Variants in PRRC1 observed in about 807,000 individuals in gnomAD.
The protein encoded by PRRC1 is protein PRRC1.
PRRC1 carries 39 observed loss-of-function variants against 40.7 expected under a neutral mutation model. The ratio of observed to expected loss-of-function variants is 0.96; its 90% CI spans 0.74 to 1.25. The LOEUF (loss-of-function observed/expected upper bound fraction) is 1.25, where lower values mean the gene tolerates loss of function less well. Among genes scored for constraint, PRRC1 ranks in the 50% most tolerant of loss-of-function variants. The pLI is 0.00. For synonymous variants in PRRC1, 175 were observed against 193.3 expected (o/e 0.91, Z 0.79); for missense variants, 573 against 548.3 (o/e 1.05, Z -0.45).
Position 127,553,062 on chromosome 5 carries a change from C to A in PRRC1, c.*1146C>A. The stretch of plus-strand genomic sequence containing the variant: ...AAATTTTTTTCTTAATACTGTTGGA[C>A]TTTGTATATACAAGTTCAAATAACT... On this transcript the variant is annotated 3_prime_UTR_variant, in exon 9 of 9. Transcript: ENST00000296666. 2 of 747,576 alleles carry A rather than the reference C, an allele frequency of 2.7e-6. No homozygotes were observed. Among genetic ancestry groups the A allele is most frequent in the Non-Finnish European group, 3.3e-6 (2 of 614,256 alleles). 46.3% of individuals were successfully genotyped at this position (747,576 alleles called of 1,614,324 possible). A position where few individuals can be genotyped will look rare whatever the true frequency, so the allele number is the denominator to read the frequency against.
intron 6 of PRRC1, among the ~76,000 whole-genome samples, chr5:127,538,774 T>C (rs1426647197): frequency 6.6e-6 from 1 of 151,972 alleles, no homozygotes. Flanking sequence ...AATGAGAAAA[T>C]GTAATATAAA....
At chr5:127,530,272 C>T (rs1767731728) in intron 4 of PRRC1, 22 bp from the exon 5 acceptor site, 1 of 1,597,782 alleles carries the variant, frequency 6.3e-7, no homozygotes, top group Non-Finnish European at 8.6e-7. Context: ...TGAATACTTA[C>T]ATATTGATTT....
intron 4 of PRRC1, among the ~76,000 whole-genome samples, chr5:127,529,771 A>G (rs1345297135): frequency 6.6e-6 from 1 of 152,210 alleles, no homozygotes; most frequent in Non-Finnish European, 1.5e-5. Flanking sequence ...AGAAACAAGA[A>G]GTAGGAAAAA....
chr5:127,544,062 C>T (rs1484187413), intron 7 of PRRC1, among the ~76,000 whole-genome samples: 12 of 152,058 alleles, frequency 7.9e-5, no homozygotes, highest in Admixed American at 5.2e-4. Context: ...GTGTGGATGT[C>T]CTTTCTGTTT....
Position 127,524,719 on chromosome 5 carries a change from A to C in PRRC1, c.292A>C (p.Thr98Pro), listed in dbSNP as rs187140580. ...TATGCCACCTCCTGTTTCTCCATCA[A>C]CTGCTGCTGCCTTCGGTAATCCTCC... ...TSMPPPVSPS[T>P]AAAFGNPPVS... The change falls in exon 3 of 9, where the codon ACT becomes CCT. Residue 98 changes from threonine (T) to proline (P), a missense_variant. By Grantham distance (38) the Thr-to-Pro change is conservative. Coordinates refer to ENST00000296666, the MANE Select transcript of PRRC1 (RefSeq NM_130809.5). 6.2e-7 allele frequency: 1 copy of C among 1,613,942 alleles called. No individual in the cohort carries two copies. Among genetic ancestry groups the C allele is most frequent in the Admixed American group, 1.7e-5 (1 of 59,998 alleles).
intron 5 of PRRC1, among the ~76,000 whole-genome samples, chr5:127,531,016 T>C (rs770127533): frequency 1.1e-4 from 16 of 152,234 alleles, no homozygotes; most frequent in Non-Finnish European, 2.2e-4. Flanking sequence ...AGTAATTCTG[T>C]AAAAGATAAC....
chr5:127,541,584 C>A, intron 7 of PRRC1, among the ~76,000 whole-genome samples: 1 of 152,110 alleles, frequency 6.6e-6, no homozygotes, highest in Non-Finnish European at 1.5e-5. Context: ...GATTCAACTT[C>A]TTCCTGGTTT....
chr5:127,546,963 C>G (rs1768241716), intron 7 of PRRC1, among the ~76,000 whole-genome samples: 1 of 151,984 alleles, frequency 6.6e-6, no homozygotes. Context: ...TAGTATTCAG[C>G]AAAGTTATTT....
Position 127,552,049 on chromosome 5 carries a change from T to C in PRRC1, c.*133T>C. 6.9e-7 allele frequency: 1 copy of C among 1,450,866 alleles called. No individual in the cohort carries two copies. Among genetic ancestry groups the C allele is most frequent in the Non-Finnish European group, 9.1e-7 (1 of 1,102,206 alleles). The allele number at this position is 1,450,866 out of a possible 1,614,324, so 89.9% of individuals were successfully genotyped here. ...TATCATTTTCCTGTAGCCTGCAATT[T>C]TTCTTTCTCTAGAAAGGCATCATGT... On this transcript the variant is annotated 3_prime_UTR_variant, in exon 9 of 9. Coordinates refer to ENST00000296666, the MANE Select transcript of PRRC1 (RefSeq NM_130809.5).
chr5:127,530,525 G>A lies in PRRC1; in HGVS notation c.757+129G>A, dbSNP rs951615670. 3 of 483,792 alleles carry A rather than the reference G, an allele frequency of 6.2e-6. No homozygotes were observed. In the Admixed American group the frequency reaches 1.2e-4, roughly 20 times the overall value. 30.0% of individuals were successfully genotyped at this position (483,792 alleles called of 1,614,324 possible). ...CAGTGGAAATTCTTATTATATTCTT[G>A]CATTAATTTAATTGTCAGTCTTATT... On this transcript the variant is annotated intron_variant, in intron 5 of 8. Transcript: ENST00000296666.
intron 7 of PRRC1, among the ~76,000 whole-genome samples, chr5:127,543,737 C>T (rs563972809): frequency 9.9e-4 from 151 of 152,290 alleles, no homozygotes; most frequent in Non-Finnish European, 1.7e-3. Flanking sequence ...CTCCTTTAAG[C>T]ACTTCTCTGT....
At chr5:127,520,149 T>C (rs1378224466) in intron 1 of PRRC1, among the ~76,000 whole-genome samples, 1 of 152,236 alleles carries the variant, frequency 6.6e-6, no homozygotes, top group East Asian at 1.9e-4. Context: ...GGATTTTTAG[T>C]AGTATTCCTA....
intron 7 of PRRC1, among the ~76,000 whole-genome samples, chr5:127,546,265 T>C (rs1768217338): frequency 1.3e-5 from 2 of 152,248 alleles, no homozygotes; most frequent in Non-Finnish European, 2.9e-5. Context: ...GCAGGTTCAA[T>C]TTATCTTTTG....
intron 7 of PRRC1, among the ~76,000 whole-genome samples, chr5:127,543,762 T>C (rs1384839223): frequency 1.3e-5 from 2 of 152,348 alleles, no homozygotes; most frequent in East Asian, 3.9e-4. Context: ...GTTATTCTAG[T>C]TATACATTCG....
Position 127,526,766 on chromosome 5 carries a change from G to C in PRRC1, c.642G>C (p.Trp214Cys). ...GQDEASAGGI[W>C]GFIKGVAGNP... ...ATGAAGCATCTGCTGGTGGAATCTG[G>C]GGTTTTATTAAGGTAAGACGTGTTT... The change falls in exon 4 of 9, where the codon TGG becomes TGC. Residue 214 changes from tryptophan to cysteine, a missense_variant. By Grantham distance (215) the Trp-to-Cys change is radical. Transcript: ENST00000296666. The C allele has an allele frequency of 6.2e-7, 1 of 1,603,926 alleles. No individual in the cohort carries two copies. Among genetic ancestry groups the C allele is most frequent in the Non-Finnish European group, 8.5e-7 (1 of 1,175,354 alleles).
intron 7 of PRRC1, among the ~76,000 whole-genome samples, chr5:127,540,479 T>C (rs1768012495): frequency 6.6e-6 from 1 of 152,138 alleles, no homozygotes; most frequent in Non-Finnish European, 1.5e-5. Flanking sequence ...CTTTCTTGCA[T>C]TTCTGTTTTT....
At chr5:127,523,649 A>T (rs933496833) in intron 2 of PRRC1, 67 bp downstream of exon 2, 3 of 927,346 alleles carry the variant, frequency 3.2e-6, no homozygotes, top group Non-Finnish European at 4.8e-6. Flanking sequence ...CTTTTCTCAG[A>T]GTCAATTAAG....
intron 1 of PRRC1, among the ~76,000 whole-genome samples, chr5:127,522,444 A>G (rs1161975008): frequency 2.0e-5 from 3 of 152,076 alleles, no homozygotes; most frequent in African/African-American, 7.2e-5. Context: ...AGGCTGGAGT[A>G]CAGTGGCATT....
chr5:127,548,240 CG>C, intron 8 of PRRC1: 1 of 490,124 alleles, frequency 2.0e-6, no homozygotes, highest in Admixed American at 3.8e-5. Flanking sequence ...GTCCGCCTTT[CG>C]TTTGCTTTCC....
Sources: allele counts gnomAD v4.1 joint callset (sites outside exome capture counted in the v4.1 genomes callset), GRCh38; gene constraint gnomAD v4.1.1; transcripts MANE v1.5; gene names NCBI Gene and HGNC (gene_info 2026-07-23, HGNC 2026-07-21).